The following EZH2 variants were observed in gnomAD, a reference collection of about 807,000 sequenced individuals.
The protein encoded by EZH2 is enhancer of zeste 2 polycomb repressive complex 2 subunit.
Under a neutral mutation model 98.4 loss-of-function variants are expected in EZH2, and 18 were observed. That is an observed-to-expected ratio of 0.18 (90% CI 0.13 to 0.27). The LOEUF (loss-of-function observed/expected upper bound fraction) is 0.27, where lower values mean the gene tolerates loss of function less well. Among genes scored for constraint, EZH2 ranks in the 10% least tolerant of loss-of-function variants. The pLI, the probability that EZH2 is intolerant of heterozygous loss-of-function variation, is 1.00. For synonymous variants in EZH2, 338 were observed against 312.3 expected (o/e 1.08, Z -0.87); for missense variants, 470 against 935.1 (o/e 0.50, Z 6.49).
chr7:148,812,318 T>C (rs1480786856), intron 15 of EZH2, among the ~76,000 whole-genome samples: 1 of 152,260 alleles, frequency 6.6e-6, no homozygotes, highest in Non-Finnish European at 1.5e-5. Context: ...TCCAGTAGTC[T>C]ATTTTCAGCA....
intron 4 of EZH2, 65 bp downstream of exon 4, chr7:148,832,569 T>A: frequency 1.1e-6 from 1 of 873,898 alleles, no homozygotes; most frequent in Non-Finnish European, 1.8e-6. Flanking sequence ...ACAATAAAAT[T>A]ATCTATGCTT....
chr7:148,810,439 A>G, intron 16 of EZH2, 25 bp from the exon 17 acceptor site: 3 of 1,531,924 alleles, frequency 2.0e-6, no homozygotes, highest in African/African-American at 2.7e-5. Context: ...ACAGGAGAAA[A>G]TTCTTTTGGA....
chr7:148,815,440 C>G (rs372555350), intron 13 of EZH2, 66 bp downstream of exon 13: 7 of 1,519,928 alleles, frequency 4.6e-6, no homozygotes, highest in Non-Finnish European at 5.5e-6. Flanking sequence ...AGTTACTATT[C>G]TAAAACAAAT....
chr7:148,807,579 C>A lies in EZH2; in HGVS notation c.*67G>T, dbSNP rs2129465191. On this transcript the variant is annotated 3_prime_UTR_variant, in exon 20 of 20. Transcript: ENST00000320356. ...ACTGCATGTTCTTTTTCTAAATTGC[C>A]CACAGTACTCGAGGTTCCTGAAGCT... 2 of 1,261,788 alleles carry A rather than the reference C, an allele frequency of 1.6e-6. No homozygotes were observed. Among genetic ancestry groups the A allele is most frequent in the Non-Finnish European group, 2.3e-6 (2 of 881,282 alleles). The allele number at this position is 1,261,788 out of a possible 1,614,324, so 78.2% of individuals were successfully genotyped here. A position where few individuals can be genotyped will look rare whatever the true frequency, so the allele number is the denominator to read the frequency against.
At chr7:148,810,615 T>G (rs1196101887) in intron 16 of EZH2, among the ~76,000 whole-genome samples, 3 of 152,194 alleles carry the variant, frequency 2.0e-5, no homozygotes, top group Non-Finnish European at 4.4e-5. Context: ...CTCAGAAATA[T>G]TTCCACATCC....
intron 15 of EZH2, 115 bp downstream of exon 15, chr7:148,813,844 C>CTG: frequency 1.8e-6 from 2 of 1,103,890 alleles, no homozygotes; most frequent in Non-Finnish European, 2.6e-6. Flanking sequence ...TCAGTTGCAC[C>CTG]TTTCAAGGAT....
chr7:148,864,683 C>CAAA (rs200348491), intron 1 of EZH2, among the ~76,000 whole-genome samples: 150 of 81,474 alleles, frequency 1.8e-3, no homozygotes, highest in African/African-American at 6.1e-3. Context: ...GAGACTGTCT[C>CAAA]AAAAAAAAAA....
chr7:148,829,988 T>C (rs1328483267), intron 4 of EZH2, 140 bp from the exon 5 acceptor site: 5 of 536,214 alleles, frequency 9.3e-6, no homozygotes, highest in Non-Finnish European at 1.5e-5. Flanking sequence ...GAGCAAACTC[T>C]AAAATTTATC....
intron 1 of EZH2, among the ~76,000 whole-genome samples, chr7:148,849,443 C>T (rs1336362061): frequency 6.6e-6 from 1 of 152,078 alleles, no homozygotes; most frequent in Non-Finnish European, 1.5e-5. Context: ...GACTAAGGAC[C>T]TGAAGGGAAC....
At chr7:148,814,251 CCTT>C in intron 14 of EZH2, 114 bp from the exon 15 acceptor site, 1 of 843,540 alleles carries the variant, frequency 1.2e-6, no homozygotes. Context: ...CTCACAACCA[CCTT>C]ATTACCCTAC....
chr7:148,866,644 ATATACG>A (rs1332922073), intron 1 of EZH2, among the ~76,000 whole-genome samples: 3 of 146,812 alleles, frequency 2.0e-5, no homozygotes, highest in Non-Finnish European at 3.0e-5. Context: ...ATACATATAC[ATATACG>A]TATATACGTA....
intron 19 of EZH2, among the ~76,000 whole-genome samples, chr7:148,808,154 G>A (rs731698): frequency 0.018 from 2,813 of 152,352 alleles, 103 homozygotes; most frequent in African/African-American, 0.064. Flanking sequence ...AAGAACTGGA[G>A]TGCAGCGGAC....
intron 16 of EZH2, among the ~76,000 whole-genome samples, chr7:148,810,768 T>C (rs1802808775): frequency 6.6e-6 from 1 of 152,018 alleles, no homozygotes; most frequent in Non-Finnish European, 1.5e-5. Context: ...CGGTGGCGCA[T>C]GCCTGTAATC....
At chr7:148,872,528 AACT>A (rs1266048312) in intron 1 of EZH2, among the ~76,000 whole-genome samples, 3 of 152,352 alleles carry the variant, frequency 2.0e-5, no homozygotes, top group East Asian at 1.9e-4. Flanking sequence ...TTGATTTAGA[AACT>A]ACATGTATAT....
intron 4 of EZH2, 144 bp downstream of exon 4, chr7:148,832,490 A>G: frequency 1.9e-6 from 1 of 536,398 alleles, no homozygotes; most frequent in Admixed American, 2.9e-5. Flanking sequence ...ACCTTAATCA[A>G]TTTTTAAAAA....
intron 13 of EZH2, 51 bp from the exon 14 acceptor site, chr7:148,815,090 G>T: frequency 6.3e-7 from 1 of 1,594,644 alleles, no homozygotes; most frequent in South Asian, 1.1e-5. Context: ...AGATGGAAAC[G>T]ATCATACACA....
At chr7:148,810,523 C>T (rs1802735833) in intron 16 of EZH2, 109 bp from the exon 17 acceptor site, 1 of 644,628 alleles carries the variant, frequency 1.6e-6, no homozygotes, top group Admixed American at 2.3e-5. Flanking sequence ...GAAAACGCAA[C>T]AAAAAGGGTC....
chr7:148,829,252 T>C (rs1276669020), intron 5 of EZH2, among the ~76,000 whole-genome samples: 1 of 152,132 alleles, frequency 6.6e-6, no homozygotes, highest in Non-Finnish European at 1.5e-5. Context: ...ACAAATATTA[T>C]CCTTTCAGAC....
intron 1 of EZH2, among the ~76,000 whole-genome samples, chr7:148,860,109 C>T (rs1880354): frequency 1 from 152,323 of 152,340 alleles, 76,153 homozygotes; most frequent in Middle Eastern, 1. Context: ...TAAATATGTA[C>T]AGCTAATTTG....
Sources: allele counts gnomAD v4.1 joint callset (sites outside exome capture counted in the v4.1 genomes callset), GRCh38; gene constraint gnomAD v4.1.1; transcripts MANE v1.5; gene names NCBI Gene and HGNC (gene_info 2026-07-23, HGNC 2026-07-21).